CHRM3: variants seen among roughly 807,000 people sequenced by gnomAD.
CHRM3 encodes the protein muscarinic acetylcholine receptor M3.
CHRM3 carries 11 observed loss-of-function variants against 41.8 expected under a neutral mutation model. That is an observed-to-expected ratio of 0.26 (90% CI 0.17 to 0.44). The LOEUF is 0.44. CHRM3 is among the 20% of genes least tolerant of loss of function. The pLI is 1.00. For synonymous variants in CHRM3, 297 were observed against 301.4 expected (o/e 0.99, Z 0.15); for missense variants, 571 against 745.4 (o/e 0.77, Z 2.72).
rs558979915 is a variant in CHRM3 at position 239,769,073 on chromosome 1, T to C, written c.-146-58179T>C. Among the ~76,000 whole-genome samples the C allele has an allele frequency of 1.8e-3, 269 of 150,204 alleles. 1 individual carries two copies. The highest frequency in any genetic ancestry group is 3.5e-3 in the Middle Eastern group (1 of 288). On this transcript the variant is annotated intron_variant, in intron 5 of 6. Coordinates refer to ENST00000676153, the MANE Select transcript of CHRM3 (RefSeq NM_001375978.1). ...AGCCACTGTGCCTGACCTAAGCGAC[T>C]TTTTTTTTCTTCAGAATATGTTCTG...
At chr1:239,660,068 C>T (rs1483711852) in intron 4 of CHRM3, among the ~76,000 whole-genome samples, 1 of 152,200 alleles carries the variant, frequency 6.6e-6, no homozygotes, top group Non-Finnish European at 1.5e-5. Context: ...TCAAATGATC[C>T]TCCTGCATCA....
chr1:239,700,739 G>A (rs765182605), intron 5 of CHRM3, among the ~76,000 whole-genome samples: 4 of 152,090 alleles, frequency 2.6e-5, no homozygotes, highest in Non-Finnish European at 5.9e-5. Flanking sequence ...TGTGTGGGAC[G>A]TTATTTCTTT....
intron 4 of CHRM3, among the ~76,000 whole-genome samples, chr1:239,635,801 T>C (rs369866061): frequency 6.6e-6 from 1 of 152,208 alleles, no homozygotes; most frequent in African/African-American, 2.4e-5. Flanking sequence ...ACCATACTTA[T>C]AATGATGCCT....
At chr1:239,874,303 A>ATATATATATACACAG (rs1676906179) in intron 6 of CHRM3, among the ~76,000 whole-genome samples, 1 of 123,966 alleles carries the variant, frequency 8.1e-6, no homozygotes, top group South Asian at 2.4e-4. Flanking sequence ...ATATATATAT[A>ATATATATATACACAG]TATATATATA....
chr1:239,421,432 G>T, intron 1 of CHRM3, among the ~76,000 whole-genome samples: 1 of 152,128 alleles, frequency 6.6e-6, no homozygotes, highest in East Asian at 1.9e-4. Flanking sequence ...AAGTATGAAT[G>T]TGGCTTTGTT....
At chr1:239,792,321 T>G (rs1333917393) in intron 5 of CHRM3, among the ~76,000 whole-genome samples, 2 of 152,204 alleles carry the variant, frequency 1.3e-5, no homozygotes, top group Admixed American at 1.3e-4. Flanking sequence ...CACAGATCTC[T>G]GAAATCTCTG....
At chr1:239,502,257 A>G (rs150272709) in intron 2 of CHRM3, among the ~76,000 whole-genome samples, 19 of 152,200 alleles carry the variant, frequency 1.2e-4, no homozygotes, top group Non-Finnish European at 2.4e-4. Flanking sequence ...AAATATTACA[A>G]CCGACACCAC....
intron 6 of CHRM3, among the ~76,000 whole-genome samples, chr1:239,890,650 G>C (rs143264925): frequency 2.4e-3 from 370 of 152,230 alleles, no homozygotes; most frequent in Admixed American, 4.4e-3. Context: ...GTCATATTGT[G>C]CATCCTGAAA....
At chr1:239,779,634 C>T (rs1381357755) in intron 5 of CHRM3, among the ~76,000 whole-genome samples, 1 of 152,186 alleles carries the variant, frequency 6.6e-6, no homozygotes, top group Non-Finnish European at 1.5e-5. Flanking sequence ...ACTTGGGTGG[C>T]TGAGCCACAA....
rs374114768 is a variant in CHRM3 at position 239,821,179 on chromosome 1, G to T, written c.-146-6073G>T. Among the ~76,000 whole-genome samples, 4 of 152,152 alleles carry T rather than the reference G, an allele frequency of 2.6e-5. No homozygotes were observed. In the East Asian group the frequency reaches 7.7e-4, roughly 29 times the overall value. ...TATGGTTGTTTTTTAAAATTCAAAA[G>T]GCCTGTTAACTCTATGGTGTTTCCA... is the stretch of plus-strand genomic sequence containing the variant. On this transcript the variant is annotated intron_variant, in intron 5 of 6. Transcript: ENST00000676153.
At chr1:239,681,115 T>A (rs1455296450) in intron 5 of CHRM3, among the ~76,000 whole-genome samples, 2 of 152,094 alleles carry the variant, frequency 1.3e-5, no homozygotes, top group African/African-American at 4.8e-5. Flanking sequence ...ATGACCAGTC[T>A]CCATGATTCC....
chr1:239,502,917 A>G (rs1348650426), intron 2 of CHRM3, among the ~76,000 whole-genome samples: 6 of 152,188 alleles, frequency 3.9e-5, no homozygotes, highest in Non-Finnish European at 7.3e-5. Flanking sequence ...CCTCAATGTA[A>G]TAAAAGCCAT....
chr1:239,696,147 AACCTCCC>A (rs1660164580), intron 5 of CHRM3, among the ~76,000 whole-genome samples: 1 of 152,184 alleles, frequency 6.6e-6, no homozygotes, highest in Admixed American at 6.5e-5. Flanking sequence ...TGGGACATTT[AACCTCCC>A]TAAACTCCAG....
At chr1:239,736,912 G>C (rs1219294755) in intron 5 of CHRM3, among the ~76,000 whole-genome samples, 1 of 152,094 alleles carries the variant, frequency 6.6e-6, no homozygotes, top group South Asian at 2.1e-4. Context: ...TTGCATGAAA[G>C]TTCAGTCTTG....
At chr1:239,594,312 C>A (rs1006801691) in intron 3 of CHRM3, among the ~76,000 whole-genome samples, 1 of 152,186 alleles carries the variant, frequency 6.6e-6, no homozygotes, top group Non-Finnish European at 1.5e-5. Context: ...AGCTTTTCCC[C>A]AAATAGGTTG....
intron 4 of CHRM3, among the ~76,000 whole-genome samples, chr1:239,650,962 A>T (rs1672187438): frequency 6.6e-6 from 1 of 152,334 alleles, no homozygotes; most frequent in African/African-American, 2.4e-5. Flanking sequence ...ATGTAAATAT[A>T]TGTAAATTTG....
intron 3 of CHRM3, among the ~76,000 whole-genome samples, chr1:239,551,185 T>G (rs1659785492): frequency 7.0e-6 from 1 of 142,216 alleles, no homozygotes; most frequent in Non-Finnish European, 1.5e-5. Flanking sequence ...AGAGGGAGTT[T>G]CGGTTTCACT....
intron 1 of CHRM3, among the ~76,000 whole-genome samples, chr1:239,473,705 C>T (rs1481888058): frequency 2.0e-5 from 3 of 152,052 alleles, no homozygotes; most frequent in Non-Finnish European, 2.9e-5. Context: ...GTGACACCAA[C>T]TTGGATAAAT....
intron 2 of CHRM3, among the ~76,000 whole-genome samples, chr1:239,538,141 G>A (rs1044007960): frequency 2.6e-5 from 4 of 152,206 alleles, no homozygotes; most frequent in African/African-American, 9.7e-5. Context: ...AAATGCAGGA[G>A]CATGTAATGG....
Sources: allele counts gnomAD v4.1 joint callset (sites outside exome capture counted in the v4.1 genomes callset), GRCh38; gene constraint gnomAD v4.1.1; transcripts MANE v1.5; gene names NCBI Gene and HGNC (gene_info 2026-07-23, HGNC 2026-07-21).